Variants in TEAD4 observed in about 807,000 individuals in gnomAD.
TEAD4 encodes transcriptional enhancer factor TEF-3.
In TEAD4, 36 loss-of-function variants were observed where a neutral mutation model predicts 52.4. The observed-to-expected ratio is 0.69, with a 90% confidence interval of 0.53 to 0.91. The LOEUF is 0.91. TEAD4 is among the 40% of genes least tolerant of loss of function. TEAD4 has a pLI of 0.00. For missense variants in TEAD4, 508 were observed against 583.9 expected (o/e 0.87, Z 1.34); for synonymous variants, 220 against 231.0 (o/e 0.95, Z 0.43).
At chr12:3,019,825 C>G (rs1167519895) in intron 8 of TEAD4, among the ~76,000 whole-genome samples, 2 of 152,198 alleles carry the variant, frequency 1.3e-5, no homozygotes, top group African/African-American at 2.4e-5. Context: ...CCCCCAGGTC[C>G]TGAAGGCTGC....
At chr12:2,986,058 C>T (rs1405903728) in intron 2 of TEAD4, among the ~76,000 whole-genome samples, 1 of 151,848 alleles carries the variant, frequency 6.6e-6, no homozygotes, top group Admixed American at 6.6e-5. Flanking sequence ...TGCATTCCAG[C>T]CTGGGGAACA....
At chr12:2,960,645 CTTGGCTTCCAGTGGGCGTATTTGTTTGTG>C (rs1299880109) in intron 2 of TEAD4, among the ~76,000 whole-genome samples, 1 of 152,170 alleles carries the variant, frequency 6.6e-6, no homozygotes, top group African/African-American at 2.4e-5. Flanking sequence ...TGTGGCTCAC[CTTGGCTTCCAGTGGGCGTATTTGTTTGTG>C]TTGAACGTGA....
intron 2 of TEAD4, among the ~76,000 whole-genome samples, chr12:2,977,088 C>CCTGTCTT (rs71057875): frequency 6.6e-6 from 1 of 151,560 alleles, no homozygotes; most frequent in Non-Finnish European, 1.5e-5. Context: ...GCTCTGTGCT[C>CCTGTCTT]ATGGACATGA....
intron 10 of TEAD4, among the ~76,000 whole-genome samples, chr12:3,029,330 C>G (rs918861828): frequency 6.6e-6 from 1 of 151,496 alleles, no homozygotes; most frequent in African/African-American, 2.4e-5. Flanking sequence ...CTCCGCCTCC[C>G]GGGTTCACGC....
chr12:2,993,231 G>A (rs61917964), intron 2 of TEAD4, among the ~76,000 whole-genome samples: 10,134 of 152,194 alleles, frequency 0.067, 419 homozygotes, highest in Non-Finnish European at 0.099. Context: ...GTGCAAAACC[G>A]AAACTCTGTA....
chr12:3,031,606 C>T (rs533434868), intron 10 of TEAD4, among the ~76,000 whole-genome samples: 6 of 152,306 alleles, frequency 3.9e-5, no homozygotes, highest in African/African-American at 1.2e-4. Context: ...GTGGGCACTC[C>T]TGTTGGATAC....
At chr12:3,005,274 T>C (rs879942947) in intron 3 of TEAD4, among the ~76,000 whole-genome samples, 1 of 149,752 alleles carries the variant, frequency 6.7e-6, no homozygotes, top group Non-Finnish European at 1.5e-5. Context: ...GGGAAATGTT[T>C]TTGGTTTCTA....
chr12:3,023,790 C>CA (rs71057878), intron 10 of TEAD4, among the ~76,000 whole-genome samples: 4,374 of 132,008 alleles, frequency 0.033, 233 homozygotes, highest in African/African-American at 0.11. Context: ...GAGACTGTCT[C>CA]AAAAAAAAAA....
intron 3 of TEAD4, 132 bp downstream of exon 3, chr12:2,995,124 T>C: frequency 2.8e-6 from 3 of 1,076,434 alleles, no homozygotes; most frequent in Non-Finnish European, 3.8e-6. Flanking sequence ...ACTGCTTTCT[T>C]CCCTCCTGGG....
intron 10 of TEAD4, among the ~76,000 whole-genome samples, chr12:3,030,390 G>A (rs1314646907): frequency 1.3e-5 from 2 of 152,166 alleles, no homozygotes; most frequent in East Asian, 3.9e-4. Flanking sequence ...GGGCTGGACT[G>A]TCCAGTGTAC....
rs778677750 is a variant in TEAD4, at chr12:2,996,088, A to ACAGAAC, written c.226+1096_226+1097insCAGAAC. 7.7e-3 allele frequency among the ~76,000 whole-genome samples: 1,169 copies of ACAGAAC among 152,126 alleles called. 6 individuals are homozygous for ACAGAAC. Among genetic ancestry groups the ACAGAAC allele is most frequent in the Non-Finnish European group, 0.013 (863 of 67,990 alleles). Reference sequence around the variant, plus strand: ...AGATAAGGCTTCTGTTCCTGTTGGAAAGTCCTCTAGGAATCCTAGCTCAAA... The same window carrying ACAGAAC: ...AGATAAGGCTTCTGTTCCTGTTGGAACAGAACAGTCCTCTAGGAATCCTAGCTCAAA... On this transcript the variant is annotated intron_variant, in intron 3 of 12. Coordinates refer to ENST00000359864, the MANE Select transcript of TEAD4 (RefSeq NM_003213.4).
rs142409636 is a variant in TEAD4, at chr12:2,971,441, T to C, written c.-30+11401T>C. Among the ~76,000 whole-genome samples, 6 of 152,232 alleles carry C rather than the reference T, an allele frequency of 3.9e-5. No individual in the cohort carries two copies. The East Asian group carries it at 1.2e-3, about 29-fold the overall frequency. Reference sequence around the variant, plus strand: ...AGGGGAGGTAAGTGGGTTTTGTTTTTTGCGGGTTTTATTTTTATTTTTATT... The same window carrying C: ...AGGGGAGGTAAGTGGGTTTTGTTTTCTGCGGGTTTTATTTTTATTTTTATT... On this transcript the variant is annotated intron_variant, in intron 2 of 12. Transcript: ENST00000359864.
intron 2 of TEAD4, among the ~76,000 whole-genome samples, chr12:2,964,603 G>C (rs534005759): frequency 6.6e-6 from 1 of 150,796 alleles, no homozygotes; most frequent in East Asian, 2.0e-4. Flanking sequence ...GATTACAGGT[G>C]CCTGCCACCA....
At position 2,959,623 on chromosome 12, in the gene TEAD4, T is replaced by A. The variant is rs1045354135; in HGVS notation, c.-123+142T>A. 1 of 151,060 alleles carries A rather than the reference T, an allele frequency of 6.6e-6. No individual in the cohort carries two copies. Among genetic ancestry groups the A allele is most frequent in the Non-Finnish European group, 1.5e-5 (1 of 67,746 alleles). The allele number at this position is 151,060 out of a possible 1,614,324, so 9.4% of individuals were successfully genotyped here. On this transcript the variant is annotated intron_variant, in intron 1 of 12. Transcript: ENST00000359864. The surrounding 1 kb of genome is among the most constrained non-coding windows in gnomAD (Gnocchi z 5.1). ...GCGTTCCCGCCTTGGACCTCTGCGC[T>A]CCGACGCGCTCCGTCCCGACCTCTG...
intron 2 of TEAD4, among the ~76,000 whole-genome samples, chr12:2,986,547 C>T (rs993585637): frequency 1.3e-5 from 2 of 151,250 alleles, no homozygotes; most frequent in African/African-American, 4.9e-5. Context: ...GGCTGAGTCA[C>T]GAGAATCGCT....
At chr12:2,992,451 C>T (rs1281509422) in intron 2 of TEAD4, among the ~76,000 whole-genome samples, 1 of 152,128 alleles carries the variant, frequency 6.6e-6, no homozygotes, top group Non-Finnish European at 1.5e-5. Flanking sequence ...TCCCCTCGAT[C>T]CTCACCCCCT....
chr12:3,038,652 C>A (rs1239189066), intron 11 of TEAD4, among the ~76,000 whole-genome samples: 1 of 152,212 alleles, frequency 6.6e-6, no homozygotes, highest in Admixed American at 6.5e-5. Flanking sequence ...GTTTCTCCCA[C>A]TCTGCTAAAC....
In TEAD4 at chr12:3,038,054, C is replaced by T. The variant is rs143912258; in HGVS notation, c.984C>T (p.Ile328=). The stretch of plus-strand genomic sequence containing the variant: ...ATGAGAGCCCCGAGAACATGATCAT[C>T]ACCTGCTCCACGAAGGTCTGCTCTT... Residue 328 remains isoleucine (I), a synonymous_variant, in exon 11 of 13, where the codon ATC becomes ATT. Coordinates refer to ENST00000359864, the MANE Select transcript of TEAD4 (RefSeq NM_003213.4). 58 of 1,613,956 alleles carry T rather than the reference C, an allele frequency of 3.6e-5. No individual in the cohort carries two copies. Among genetic ancestry groups the T allele is most frequent in the Non-Finnish European group, 4.9e-5 (58 of 1,179,946 alleles).
intron 2 of TEAD4, among the ~76,000 whole-genome samples, chr12:2,978,595 GGTTTCACCATGTTGGCCAGGCTGGTC>G (rs2098231716): frequency 1.3e-5 from 2 of 151,996 alleles, no homozygotes; most frequent in African/African-American, 4.8e-5. Flanking sequence ...AGTAGAGACA[GGTTTCACCATGTTGGCCAGGCTGGTC>G]TCGAACTCCT....
Sources: allele counts gnomAD v4.1 joint callset (sites outside exome capture counted in the v4.1 genomes callset), GRCh38; gene constraint gnomAD v4.1.1; non-coding constraint Gnocchi (gnomAD v3.1); transcripts MANE v1.5; gene names NCBI Gene and HGNC (gene_info 2026-07-23, HGNC 2026-07-21).